SDK1: variants seen among roughly 807,000 people sequenced by gnomAD.
SDK1 encodes protein sidekick-1.
Under a neutral mutation model 245.5 loss-of-function variants are expected in SDK1, and 157 were observed. The ratio of observed to expected loss-of-function variants is 0.64; its 90% CI spans 0.56 to 0.73. The LOEUF (loss-of-function observed/expected upper bound fraction) is 0.73. Ranked by LOEUF, SDK1 falls within the 30% of genes least tolerant of loss-of-function variation. The pLI, the probability that SDK1 is intolerant of heterozygous loss-of-function variation, is 0.00. For synonymous variants in SDK1, 1,647 were observed against 1,278.5 expected, an observed-to-expected ratio of 1.29 and a Z score of -6.15; for missense variants, 3,583 against 3,002.3, an observed-to-expected ratio of 1.19 and a Z score of -4.52.
intron 4 of SDK1, among the ~76,000 whole-genome samples, chr7:3,714,831 C>A (rs955247020): frequency 6.6e-6 from 1 of 152,092 alleles, no homozygotes; most frequent in Non-Finnish European, 1.5e-5. Flanking sequence ...GTGTAAGTGT[C>A]AAGCTTGGAG....
intron 14 of SDK1, among the ~76,000 whole-genome samples, chr7:3,991,809 G>A (rs920248980): frequency 6.6e-6 from 1 of 152,232 alleles, no homozygotes; most frequent in African/African-American, 2.4e-5. Context: ...CTACCAGCTG[G>A]TTGGTCCGTG....
rs549854536 is a variant in SDK1, at chr7:3,902,667, C to T, written c.848-48256C>T. 2.1e-4 allele frequency among the ~76,000 whole-genome samples: 32 copies of T among 152,168 alleles called. 1 individual carries two copies. Among genetic ancestry groups the T allele is most frequent in the Non-Finnish European group, 3.5e-4 (24 of 67,986 alleles). ...GGATATATAAACTGTTAGTATAGTTCAAAAGTCTAAATTACATGAAAAGAT... is the reference window on the plus strand; with the variant it reads ...GGATATATAAACTGTTAGTATAGTTTAAAAGTCTAAATTACATGAAAAGAT... On this transcript the variant is annotated intron_variant, in intron 5 of 44. Coordinates refer to ENST00000404826, the MANE Select transcript of SDK1 (RefSeq NM_152744.4).
At chr7:3,614,654 A>G (rs1259299682) in intron 1 of SDK1, among the ~76,000 whole-genome samples, 1 of 152,190 alleles carries the variant, frequency 6.6e-6, no homozygotes, top group Non-Finnish European at 1.5e-5. Flanking sequence ...GCCCTCTTTT[A>G]ACTTGTTTAC....
At chr7:4,123,533 TG>T (rs1784199480) in intron 25 of SDK1, among the ~76,000 whole-genome samples, 1 of 152,106 alleles carries the variant, frequency 6.6e-6, no homozygotes, top group South Asian at 2.1e-4. Flanking sequence ...ACCAGGGACT[TG>T]GGGCTGCATC....
At chr7:4,087,667 T>C (rs1343372589) in intron 22 of SDK1, among the ~76,000 whole-genome samples, 1 of 152,130 alleles carries the variant, frequency 6.6e-6, no homozygotes, top group Non-Finnish European at 1.5e-5. Flanking sequence ...CTTCACCTGC[T>C]CTCAAAAAGG....
chr7:3,650,410 A>C (rs1169770777), intron 4 of SDK1, among the ~76,000 whole-genome samples: 1 of 152,172 alleles, frequency 6.6e-6, no homozygotes, highest in Non-Finnish European at 1.5e-5. Context: ...TGTCTCTATG[A>C]ATTTGACTAC....
intron 1 of SDK1, among the ~76,000 whole-genome samples, chr7:3,441,420 C>G (rs1780193130): frequency 6.6e-6 from 1 of 152,122 alleles, no homozygotes; most frequent in African/African-American, 2.4e-5. Context: ...ACCAAAATCT[C>G]TTTTTGTGTG....
At chr7:4,257,671 C>T (rs1443825325) in intron 44 of SDK1, among the ~76,000 whole-genome samples, 3 of 152,166 alleles carry the variant, frequency 2.0e-5, no homozygotes, top group Non-Finnish European at 4.4e-5. Flanking sequence ...GGAAAAGCCT[C>T]TTGGAGCCTC....
chr7:3,516,247 G>A (rs1782747060), intron 1 of SDK1, among the ~76,000 whole-genome samples: 3 of 150,478 alleles, frequency 2.0e-5, no homozygotes, highest in East Asian at 1.9e-4. Flanking sequence ...TATATACATA[G>A]TATGTATACC....
chr7:4,048,411 T>G (rs1235432500), intron 17 of SDK1, among the ~76,000 whole-genome samples: 1 of 152,120 alleles, frequency 6.6e-6, no homozygotes, highest in Non-Finnish European at 1.5e-5. Flanking sequence ...TATGTATGCG[T>G]CATCAGCCGT....
intron 1 of SDK1, among the ~76,000 whole-genome samples, chr7:3,526,302 A>G (rs1029790610): frequency 3.3e-5 from 5 of 152,038 alleles, no homozygotes; most frequent in African/African-American, 1.2e-4. Flanking sequence ...TTTTACATAT[A>G]ATTTACCATG....
chr7:3,648,167 TTTTC>T (rs756653465), intron 4 of SDK1, among the ~76,000 whole-genome samples: 3 of 152,244 alleles, frequency 2.0e-5, no homozygotes, highest in Admixed American at 6.5e-5. Flanking sequence ...TTTAGATATA[TTTTC>T]TTTATTTCCA....
At chr7:4,157,255 C>A (rs539453984) in intron 30 of SDK1, among the ~76,000 whole-genome samples, 46 of 141,442 alleles carry the variant, frequency 3.3e-4, no homozygotes, top group African/African-American at 9.1e-4. Flanking sequence ...GACGGACGGA[C>A]GGAAGGAAGG....
intron 1 of SDK1, among the ~76,000 whole-genome samples, chr7:3,512,334 G>C (rs1037829728): frequency 6.6e-6 from 1 of 152,090 alleles, no homozygotes; most frequent in African/African-American, 2.4e-5. Context: ...ATTCCATTGT[G>C]TGGCTATATC....
chr7:4,030,445 T>A (rs766688613), intron 17 of SDK1, among the ~76,000 whole-genome samples: 10 of 152,124 alleles, frequency 6.6e-5, no homozygotes, highest in Non-Finnish European at 1.3e-4. Context: ...GAAGGTTGGG[T>A]CCAAGAAGTT....
intron 4 of SDK1, among the ~76,000 whole-genome samples, chr7:3,727,729 G>T (rs967157061): frequency 6.6e-6 from 1 of 152,078 alleles, no homozygotes; most frequent in Non-Finnish European, 1.5e-5. Context: ...GACCTCGGGT[G>T]ATCCACCCGC....
intron 1 of SDK1, among the ~76,000 whole-genome samples, chr7:3,319,684 G>A (rs540538659): frequency 3.3e-5 from 5 of 152,142 alleles, no homozygotes; most frequent in East Asian, 1.9e-4. Context: ...GTGATGGCCT[G>A]CATGTCTCTG....
chr7:3,386,516 G>A (rs1191086542), intron 1 of SDK1, among the ~76,000 whole-genome samples: 1 of 152,136 alleles, frequency 6.6e-6, no homozygotes, highest in African/African-American at 2.4e-5. Context: ...TTTCTCCTAG[G>A]CTACTCATGA....
At chr7:3,646,751 G>A (rs553966199) in intron 4 of SDK1, among the ~76,000 whole-genome samples, 3 of 152,260 alleles carry the variant, frequency 2.0e-5, no homozygotes, top group South Asian at 4.1e-4. Context: ...ATTAACCTGG[G>A]TTTGCATAGA....
Sources: allele counts gnomAD v4.1 joint callset (sites outside exome capture counted in the v4.1 genomes callset), GRCh38; gene constraint gnomAD v4.1.1; transcripts MANE v1.5; gene names NCBI Gene and HGNC (gene_info 2026-07-23, HGNC 2026-07-21).